Variants in DNM3 observed in about 807,000 individuals in gnomAD.
DNM3 encodes the protein dynamin-3.
A neutral mutation model predicts 101.6 loss-of-function variants in DNM3; 47 were observed. That is an observed-to-expected ratio of 0.46 (90% CI 0.37 to 0.59). The LOEUF is 0.59. Ranked by LOEUF, DNM3 falls within the 20% of genes least tolerant of loss-of-function variation. The pLI is 0.00. For missense variants in DNM3, 849 were observed against 1,085.7 expected, an observed-to-expected ratio of 0.78 and a Z score of 3.06; for synonymous variants, 385 against 387.9, an observed-to-expected ratio of 0.99 and a Z score of 0.09.
intron 13 of DNM3, among the ~76,000 whole-genome samples, chr1:172,108,732 G>T (rs192465326): frequency 1.3e-5 from 2 of 152,204 alleles, no homozygotes; most frequent in Admixed American, 1.3e-4. Context: ...GAGTGCCCTG[G>T]TTTTATAATT....
At chr1:172,339,708 C>G (rs530609244) in intron 17 of DNM3, among the ~76,000 whole-genome samples, 37 of 152,234 alleles carry the variant, frequency 2.4e-4, no homozygotes, top group African/African-American at 8.7e-4. Context: ...GCTTGTCCTG[C>G]CTGTTGGAGT....
rs1280618024 is a variant in DNM3, at chr1:172,409,812, C to A, written c.*1971C>A. 7 of 985,612 alleles carry A rather than the reference C, an allele frequency of 7.1e-6. No homozygotes were observed. Among genetic ancestry groups the A allele is most frequent in the Non-Finnish European group, 8.4e-6 (7 of 829,880 alleles). The allele number at this position is 985,612 out of a possible 1,614,324, so 61.1% of individuals were successfully genotyped here. A position where few individuals can be genotyped will look rare whatever the true frequency, so the allele number is the denominator to read the frequency against. ...TAGGCAGCTAACGGATTATATACTT[C>A]AGGGTTTGGCTTTGTGCTAAATGTG... On this transcript the variant is annotated 3_prime_UTR_variant, in exon 21 of 21. Coordinates refer to ENST00000627582, the MANE Select transcript of DNM3 (RefSeq NM_015569.5).
intron 1 of DNM3, among the ~76,000 whole-genome samples, chr1:171,863,697 AC>A (rs750103783): frequency 2.6e-5 from 4 of 152,072 alleles, no homozygotes; most frequent in Admixed American, 6.6e-5. Flanking sequence ...GTCCTGCTGA[AC>A]GACTAAGGTT....
intron 17 of DNM3, among the ~76,000 whole-genome samples, chr1:172,374,395 A>C (rs1260328651): frequency 6.6e-6 from 1 of 152,056 alleles, no homozygotes; most frequent in African/African-American, 2.4e-5. Flanking sequence ...TACAGTATTC[A>C]GTGAACATCA....
chr1:172,080,096 G>A (rs1355312635), intron 11 of DNM3, among the ~76,000 whole-genome samples: 1 of 152,334 alleles, frequency 6.6e-6, no homozygotes, highest in East Asian at 1.9e-4. Context: ...AGGAGGCACG[G>A]AAGTCAGGGA....
intron 1 of DNM3, among the ~76,000 whole-genome samples, chr1:171,860,183 T>C (rs984575552): frequency 6.6e-6 from 1 of 152,178 alleles, no homozygotes; most frequent in African/African-American, 2.4e-5. Flanking sequence ...TTATAACTAA[T>C]GCTACTGAGA....
rs535746382 is a variant in DNM3, at chr1:172,145,324, G to GTCTC, written c.1659+14055_1659+14058dup. ...TTTCTGTCTGTCTGTCTGTCTGTCT[G>GTCTC]TCTCTCTCTCTCTCTCTCTCTCCCC... On this transcript the variant is annotated intron_variant, in intron 14 of 20. Coordinates refer to ENST00000627582, the MANE Select transcript of DNM3 (RefSeq NM_015569.5). 6.9e-4 allele frequency among the ~76,000 whole-genome samples: 97 copies of GTCTC among 140,942 alleles called. No homozygotes were observed. In the East Asian group the frequency reaches 0.011, roughly 15 times the overall value. 92.5% of individuals were successfully genotyped at this position (140,942 alleles called of 152,430 possible).
intron 13 of DNM3, among the ~76,000 whole-genome samples, chr1:172,107,800 A>G (rs2055170602): frequency 6.6e-6 from 1 of 152,224 alleles, no homozygotes; most frequent in Non-Finnish European, 1.5e-5. Context: ...CAAATTCACC[A>G]TGACCAAGGC....
At chr1:172,076,748 G>A (rs6413836) in intron 11 of DNM3, among the ~76,000 whole-genome samples, 46,348 of 152,066 alleles carry the variant, frequency 0.3, 7,369 homozygotes, top group East Asian at 0.46. Context: ...TCACATTGAT[G>A]TTCATCAGGA....
At chr1:172,211,855 G>A in intron 14 of DNM3, among the ~76,000 whole-genome samples, 1 of 152,038 alleles carries the variant, frequency 6.6e-6, no homozygotes, top group East Asian at 1.9e-4. Context: ...AGGAACAGGT[G>A]GAAATTGAAA....
intron 2 of DNM3, among the ~76,000 whole-genome samples, chr1:171,926,581 C>T (rs192311757): frequency 2.7e-4 from 41 of 152,226 alleles, no homozygotes; most frequent in African/African-American, 9.6e-4. Context: ...ATATTTATGT[C>T]TATCCTTGGG....
Position 172,382,282 on chromosome 1 carries a change from C to T in DNM3, c.2058+3100C>T, listed in dbSNP as rs1252409771. Among the ~76,000 whole-genome samples, 3 of 152,138 alleles carry T rather than the reference C, an allele frequency of 2.0e-5. No individual in the cohort carries two copies. The East Asian group carries it at 5.8e-4, about 29-fold the overall frequency. ...TGCTCAGGACTTTAAAGCTAACACACACATAACACCCCATGGTAAGCCCAT... is the reference window on the plus strand; with the variant it reads ...TGCTCAGGACTTTAAAGCTAACACATACATAACACCCCATGGTAAGCCCAT... On this transcript the variant is annotated intron_variant, in intron 18 of 20. Transcript: ENST00000627582.
At chr1:172,372,353 A>G (rs2068382708) in intron 17 of DNM3, among the ~76,000 whole-genome samples, 1 of 151,946 alleles carries the variant, frequency 6.6e-6, no homozygotes, top group African/African-American at 2.4e-5. Context: ...TGAAAAATAT[A>G]ATTAAATTTG....
At chr1:172,326,387 C>G (rs539699800) in intron 17 of DNM3, among the ~76,000 whole-genome samples, 2 of 152,268 alleles carry the variant, frequency 1.3e-5, no homozygotes, top group Admixed American at 1.3e-4. Context: ...AAGTCAATGT[C>G]TTCATTAGAA....
chr1:171,872,400 A>T (rs1186393037), intron 1 of DNM3, among the ~76,000 whole-genome samples: 1 of 152,010 alleles, frequency 6.6e-6, no homozygotes, highest in Non-Finnish European at 1.5e-5. Context: ...TGGTCTTCCT[A>T]AAGAGTTTAT....
At chr1:171,904,176 G>A (rs1286375753) in intron 1 of DNM3, among the ~76,000 whole-genome samples, 1 of 151,594 alleles carries the variant, frequency 6.6e-6, no homozygotes, top group East Asian at 1.9e-4. Flanking sequence ...AGCCAGCGTG[G>A]TGTCACGCAC....
chr1:172,025,424 G>A (rs1291898148), intron 4 of DNM3, among the ~76,000 whole-genome samples: 1 of 152,202 alleles, frequency 6.6e-6, no homozygotes, highest in East Asian at 1.9e-4. Context: ...GAGAGCAGTG[G>A]ATCTCTTAGC....
At chr1:172,307,957 A>G (rs12402792) in intron 15 of DNM3, among the ~76,000 whole-genome samples, 27,235 of 152,066 alleles carry the variant, frequency 0.18, 2,617 homozygotes, top group East Asian at 0.25. Context: ...CCAACATGGC[A>G]TGTGTATACC....
intron 4 of DNM3, among the ~76,000 whole-genome samples, chr1:172,027,615 C>G (rs113657986): frequency 2.4e-4 from 33 of 139,274 alleles, no homozygotes; most frequent in African/African-American, 7.8e-4. Flanking sequence ...CACACACACA[C>G]ACAGAGAGAG....
Sources: allele counts gnomAD v4.1 joint callset (sites outside exome capture counted in the v4.1 genomes callset), GRCh38; gene constraint gnomAD v4.1.1; transcripts MANE v1.5; gene names NCBI Gene and HGNC (gene_info 2026-07-23, HGNC 2026-07-21).